The following BZW1 variants were observed in gnomAD, a reference collection of about 807,000 sequenced individuals.
BZW1 encodes the protein eIF5-mimic protein 2.
In BZW1, 3 loss-of-function variants were observed where a neutral mutation model predicts 54.1. The observed-to-expected ratio is 0.06, with a 90% CI of 0.03 to 0.14. BZW1 has a LOEUF of 0.14. Among genes scored for constraint, BZW1 ranks in the 10% least tolerant of loss-of-function variants. The pLI is 1.00. For missense variants in BZW1, 206 were observed against 491.7 expected (o/e 0.42, Z 5.50); for synonymous variants, 152 against 162.7 (o/e 0.93, Z 0.50).
At chr2:200,818,445 T>G in intron 8 of BZW1, 52 bp downstream of exon 8, 17 of 1,555,774 alleles carry the variant, frequency 1.1e-5, no homozygotes, top group Non-Finnish European at 1.5e-5. Flanking sequence ...GGCATAGAGA[T>G]TTTCACTAAT....
At chr2:200,822,004 G>T in intron 11 of BZW1, 143 bp from the exon 12 acceptor site, 1 of 695,636 alleles carries the variant, frequency 1.4e-6, no homozygotes, top group Non-Finnish European at 2.5e-6. Flanking sequence ...GGGAGGCAGA[G>T]GTTGCAGTGA....
Position 200,822,210 on chromosome 2 carries a change from A to C in BZW1, c.*32A>C. ...AAACTACACCCTCAGTAAAGCAAAC[A>C]GGAGTTGTAGATAAAATGTCATGTC... On this transcript the variant is annotated 3_prime_UTR_variant, in exon 12 of 12. Coordinates refer to ENST00000409600, the MANE Select transcript of BZW1 (RefSeq NM_001207067.2). The C allele has an allele frequency of 6.5e-7, 1 of 1,538,338 alleles. No individual in the cohort carries two copies. Among genetic ancestry groups the C allele is most frequent in the South Asian group, 1.2e-5 (1 of 86,126 alleles).
Position 200,822,067 on chromosome 2 carries a change from T to G in BZW1, c.1229-80T>G, listed in dbSNP as rs936156793. On this transcript the variant is annotated intron_variant, in intron 11 of 11. Transcript: ENST00000409600. ...CTGTGGGACAGAGGGAGACTCTGTC[T>G]TAAAGAAGCTTCAAAGTTATAAATG... 549 of 1,358,272 alleles carry G rather than the reference T, an allele frequency of 4.0e-4. 1 individual carries two copies. Among genetic ancestry groups the G allele is most frequent in the Non-Finnish European group, 5.6e-4 (539 of 969,836 alleles). 84.1% of individuals were successfully genotyped at this position (1,358,272 alleles called of 1,614,324 possible). A position where few individuals can be genotyped will look rare whatever the true frequency, so the allele number is the denominator to read the frequency against.
At chr2:200,812,171 G>A in intron 1 of BZW1, 181 bp downstream of exon 1, 1 of 1,178,032 alleles carries the variant, frequency 8.5e-7, no homozygotes, top group Non-Finnish European at 1.1e-6. Flanking sequence ...GGAGGCCGAG[G>A]GGTAGCGGCG....
chr2:200,819,674 C>T (rs565735732), intron 9 of BZW1, among the ~76,000 whole-genome samples: 1 of 151,898 alleles, frequency 6.6e-6, no homozygotes, highest in East Asian at 1.9e-4. Context: ...AGTTCTGCCT[C>T]CTCGGCCTCC....
At chr2:200,813,643 T>A (rs2038173045) in intron 2 of BZW1, among the ~76,000 whole-genome samples, 1 of 152,250 alleles carries the variant, frequency 6.6e-6, no homozygotes, top group Non-Finnish European at 1.5e-5. Context: ...CCTAATGTAG[T>A]CACCCAGATT....
intron 11 of BZW1, among the ~76,000 whole-genome samples, chr2:200,821,842 G>A (rs371354546): frequency 1.2e-4 from 18 of 152,278 alleles, no homozygotes; most frequent in African/African-American, 2.9e-4. Flanking sequence ...AGGCTGAGGC[G>A]ATCAGGTCAT....
At position 200,815,531 on chromosome 2, in the gene BZW1, G is replaced by A; in HGVS notation, c.241+14G>A. 6.2e-7 allele frequency: 1 copy of A among 1,613,446 alleles called. No homozygotes were observed. Among genetic ancestry groups the A allele is most frequent in the Non-Finnish European group, 8.5e-7 (1 of 1,179,616 alleles). On this transcript the variant is annotated intron_variant, in intron 3 of 11. Coordinates refer to ENST00000409600, the MANE Select transcript of BZW1 (RefSeq NM_001207067.2). ...GTGGAATGCTGGGTAAGTGTCTGTG[G>A]TTTGTGGGCTTAATAATTTAGAAAG...
rs1362947799 is a variant in BZW1 at position 200,826,464 on chromosome 2, G to A, written c.*4286G>A. ...TTTTGAGACAGAGTCTCGCTCTGTCGCCCAGGCGGGAGTGCAGTGGCACAA... is the reference window on the plus strand; with the variant it reads ...TTTTGAGACAGAGTCTCGCTCTGTCACCCAGGCGGGAGTGCAGTGGCACAA... On this transcript the variant is annotated 3_prime_UTR_variant, in exon 12 of 12. Coordinates refer to ENST00000409600, the MANE Select transcript of BZW1 (RefSeq NM_001207067.2). 8 of 119,128 alleles carry A rather than the reference G, an allele frequency of 6.7e-5. No individual in the cohort carries two copies. The highest frequency in any genetic ancestry group is 1.3e-4 in the African/African-American group (4 of 31,214). 7.4% of individuals were successfully genotyped at this position (119,128 alleles called of 1,614,324 possible).
chr2:200,818,510 A>G (rs368059213), intron 8 of BZW1, 117 bp downstream of exon 8: 28 of 1,258,762 alleles, frequency 2.2e-5, no homozygotes, highest in East Asian at 1.2e-4. Context: ...AGGATGTTAT[A>G]CTGGAACTTT....
chr2:200,821,100 C>T, intron 10 of BZW1, 83 bp from the exon 11 acceptor site: 1 of 1,494,372 alleles, frequency 6.7e-7, no homozygotes, highest in Non-Finnish European at 9.1e-7. Flanking sequence ...GTTTGCTAAG[C>T]AGGCATTTGC....
rs895149549 is a variant in BZW1, at chr2:200,826,477, T to C, written c.*4299T>C. ...TCTCGCTCTGTCGCCCAGGCGGGAG[T>C]GCAGTGGCACAATCTCGGCTCACTG... On this transcript the variant is annotated 3_prime_UTR_variant, in exon 12 of 12. Coordinates refer to ENST00000409600, the MANE Select transcript of BZW1 (RefSeq NM_001207067.2). The C allele has an allele frequency of 1.5e-5, 2 of 130,216 alleles. No individual in the cohort carries two copies. 8.1% of individuals were successfully genotyped at this position (130,216 alleles called of 1,614,324 possible). A position where few individuals can be genotyped will look rare whatever the true frequency, so the allele number is the denominator to read the frequency against.
intron 9 of BZW1, among the ~76,000 whole-genome samples, chr2:200,819,684 C>A (rs968401104): frequency 2.0e-5 from 3 of 151,880 alleles, no homozygotes; most frequent in Non-Finnish European, 4.4e-5. Context: ...CCTCGGCCTC[C>A]CAAGTAGTGC....
Position 200,819,992 on chromosome 2 carries a change from C to G in BZW1, c.977C>G (p.Pro326Arg), listed in dbSNP as rs774550478. The G allele has an allele frequency of 6.6e-7, 1 of 1,514,038 alleles. No homozygotes were observed. Among genetic ancestry groups the G allele is most frequent in the Non-Finnish European group, 8.8e-7 (1 of 1,131,178 alleles). The allele number at this position is 1,514,038 out of a possible 1,614,324, so 93.8% of individuals were successfully genotyped here. A position where few individuals can be genotyped will look rare whatever the true frequency, so the allele number is the denominator to read the frequency against. The stretch of plus-strand genomic sequence containing the variant: ...CTGTTCCTTTAAAAGCAATACAGCC[C>G]TCTACTTGCTGCCTTTACTACTCAA... ...QAIKHLKQYS[P>R]LLAAFTTQGQ... The change falls in exon 10 of 12, where the codon CCT (proline) becomes CGT (arginine). Residue 326 changes from proline (P) to arginine (R), a missense_variant. By Grantham distance (103) the Pro-to-Arg change is moderately radical (BLOSUM62 -2). Coordinates refer to ENST00000409600, the MANE Select transcript of BZW1 (RefSeq NM_001207067.2).
chr2:200,815,663 T>G lies in BZW1; in HGVS notation c.242-4T>G, dbSNP rs1376533378. 5 of 1,590,826 alleles carry G rather than the reference T, an allele frequency of 3.1e-6. No homozygotes were observed. The highest frequency in any genetic ancestry group is 1.1e-5 in the South Asian group (1 of 87,570). On this transcript the variant is annotated splice_polypyrimidine_tract_variant and splice_region_variant and intron_variant, in intron 3 of 11. Coordinates refer to ENST00000409600, the MANE Select transcript of BZW1 (RefSeq NM_001207067.2). ...TGTTGTATTTTGGTTTTATCCAACT[T>G]TAGCCCCAGGTGGTACACTGGCAGA...
At chr2:200,816,301 G>T (rs2038287146) in intron 4 of BZW1, 24 bp from the exon 5 acceptor site, 1 of 1,518,332 alleles carries the variant, frequency 6.6e-7, no homozygotes, top group East Asian at 2.3e-5. Flanking sequence ...TGAAGTTACT[G>T]AATTCATTTA....
intron 11 of BZW1, 81 bp from the exon 12 acceptor site, chr2:200,822,066 C>T: frequency 7.4e-7 from 1 of 1,348,014 alleles, no homozygotes; most frequent in Non-Finnish European, 1.0e-6. Context: ...GAGACTCTGT[C>T]TTAAAGAAGC....
chr2:200,821,121 G>A, intron 10 of BZW1, 62 bp from the exon 11 acceptor site: 3 of 1,560,732 alleles, frequency 1.9e-6, no homozygotes, highest in South Asian at 2.4e-5. Flanking sequence ...ACATTAGGTG[G>A]TGGTTCTAAC....
rs533898356 is a variant in BZW1, at chr2:200,824,532, C to G, written c.*2354C>G. 1.3e-5 allele frequency: 2 copies of G among 151,138 alleles called. No homozygotes were observed. The highest frequency in any genetic ancestry group is 1.3e-4 in the Admixed American group (2 of 15,186). 9.4% of individuals were successfully genotyped at this position (151,138 alleles called of 1,614,324 possible). ...TTCCATTCTTATTTAAAAAAAAAAA[C>G]CTCCATATACCAAAAATGCTACAGG... On this transcript the variant is annotated 3_prime_UTR_variant, in exon 12 of 12. Coordinates refer to ENST00000409600, the MANE Select transcript of BZW1 (RefSeq NM_001207067.2).
Sources: allele counts gnomAD v4.1 joint callset (sites outside exome capture counted in the v4.1 genomes callset), GRCh38; gene constraint gnomAD v4.1.1; transcripts MANE v1.5; gene names NCBI Gene and HGNC (gene_info 2026-07-23, HGNC 2026-07-21).